Variants in ANKRD13C observed in about 807,000 individuals in gnomAD.
ANKRD13C encodes ankyrin repeat domain-containing protein 13C.
In ANKRD13C, 16 loss-of-function variants were observed where a neutral mutation model predicts 65.5. That is an observed-to-expected ratio of 0.24 (90% CI 0.17 to 0.37). The LOEUF (loss-of-function observed/expected upper bound fraction) is 0.37, where lower values mean the gene tolerates loss of function less well. Among genes scored for constraint, ANKRD13C ranks in the 10% least tolerant of loss-of-function variants. The pLI is 1.00. For missense variants in ANKRD13C, 503 were observed against 655.9 expected (o/e 0.77, Z 2.55); for synonymous variants, 235 against 238.7 (o/e 0.98, Z 0.14).
At chr1:70,329,030 A>T (rs1032971684) in intron 2 of ANKRD13C, among the ~76,000 whole-genome samples, 23 of 151,942 alleles carry the variant, frequency 1.5e-4, no homozygotes, top group African/African-American at 5.5e-4. Context: ...ATGGCAAATT[A>T]CTATCTGTAG....
rs1362212235 is a variant in ANKRD13C at position 70,336,105 on chromosome 1, AAAAAT to A, written c.431-11_431-7del. 9.5e-6 allele frequency: 7 copies of A among 734,026 alleles called. No individual in the cohort carries two copies. Among genetic ancestry groups the A allele is most frequent in the South Asian group, 3.2e-5 (1 of 31,042 alleles). The allele number at this position is 734,026 out of a possible 1,614,324, so 45.5% of individuals were successfully genotyped here. A position where few individuals can be genotyped will look rare whatever the true frequency, so the allele number is the denominator to read the frequency against. On this transcript the variant is annotated splice_polypyrimidine_tract_variant and splice_region_variant and intron_variant, in intron 1 of 12. Coordinates refer to ENST00000370944, the MANE Select transcript of ANKRD13C (RefSeq NM_030816.5). ...AAGGTGTAAAGGAGTATTTCCTAAAAAAAATAAAATAAAATAAATAAATTAGAAGG... is the reference window on the plus strand; with the variant it reads ...AAGGTGTAAAGGAGTATTTCCTAAAAAAAATAAAATAAATAAATTAGAAGG...
At chr1:70,337,961 T>G (rs1342919933) in intron 1 of ANKRD13C, among the ~76,000 whole-genome samples, 2 of 151,868 alleles carry the variant, frequency 1.3e-5, no homozygotes, top group Non-Finnish European at 2.9e-5. Flanking sequence ...TAGCCAGGGG[T>G]GGTGGCGCAT....
In ANKRD13C at chr1:70,354,460, G is replaced by A. The variant is rs1221601066; in HGVS notation, c.-52C>T. On this transcript the variant is annotated 5_prime_UTR_variant, in exon 1 of 13. Transcript: ENST00000370944. ...ATCGGGAGGCTCACCGCTGGCGACG[G>A]AGCTGGCGCTGCGGCGGCACAAGGC... 9 of 1,557,050 alleles carry A rather than the reference G, an allele frequency of 5.8e-6. No homozygotes were observed. Among genetic ancestry groups the A allele is most frequent in the Middle Eastern group, 2.1e-4 (1 of 4,758 alleles).
chr1:70,264,991 G>T (rs1032972488), intron 12 of ANKRD13C, among the ~76,000 whole-genome samples: 1 of 152,162 alleles, frequency 6.6e-6, no homozygotes, highest in Non-Finnish European at 1.5e-5. Flanking sequence ...GAAGTATCTG[G>T]TTTAATCTCG....
At chr1:70,269,351 G>C (rs1158619005) in intron 12 of ANKRD13C, among the ~76,000 whole-genome samples, 1 of 152,024 alleles carries the variant, frequency 6.6e-6, no homozygotes, top group Non-Finnish European at 1.5e-5. Context: ...TGTATTGTGG[G>C]GTTTGATTTG....
intron 5 of ANKRD13C, among the ~76,000 whole-genome samples, chr1:70,309,293 C>A (rs921676195): frequency 6.6e-6 from 1 of 151,588 alleles, no homozygotes; most frequent in Non-Finnish European, 1.5e-5. Flanking sequence ...AGGTTGGTCT[C>A]AAACTCCTGA....
At position 70,271,669 on chromosome 1, in the gene ANKRD13C, G is replaced by C. The variant is rs1269561954; in HGVS notation, c.1395-713C>G. Reference sequence around the variant, plus strand: ...GCTGATTTTATCCCTTTTCTGCCCGGATGCCTTTGGATTTATCAACAACTG... The same window carrying C: ...GCTGATTTTATCCCTTTTCTGCCCGCATGCCTTTGGATTTATCAACAACTG... On this transcript the variant is annotated intron_variant, in intron 11 of 12. Transcript: ENST00000370944. Among the ~76,000 whole-genome samples the C allele has an allele frequency of 3.9e-5, 6 of 152,076 alleles. No individual in the cohort carries two copies. In the East Asian group the frequency reaches 1.2e-3, roughly 29 times the overall value.
chr1:70,334,924 A>T (rs1681955386), intron 2 of ANKRD13C, among the ~76,000 whole-genome samples: 1 of 152,054 alleles, frequency 6.6e-6, no homozygotes, highest in Non-Finnish European at 1.5e-5. Flanking sequence ...ATAAATAAAT[A>T]AAATAAAATA....
intron 2 of ANKRD13C, among the ~76,000 whole-genome samples, chr1:70,326,184 T>C (rs1681529894): frequency 1.5e-5 from 2 of 130,234 alleles, no homozygotes; most frequent in African/African-American, 3.0e-5. Flanking sequence ...TGAGCCGAGA[T>C]TGCGCCATTG....
rs372720742 is a variant in ANKRD13C, at chr1:70,354,197, T to C, written c.212A>G (p.Asn71Ser). ...LQLKAAPASS[N>S]PPGAPALPLH... ...CGGCAGAGCCGGGGCGCCGGGGGGA[T>C]TGGAGGAGGCCGGAGCTGCCTTCAG... Residue 71 changes from asparagine to serine, a missense_variant, in exon 1 of 13, where the codon AAT becomes AGT. Coordinates refer to ENST00000370944, the MANE Select transcript of ANKRD13C (RefSeq NM_030816.5). 1.1e-4 allele frequency: 176 copies of C among 1,613,556 alleles called. No individual in the cohort carries two copies. The highest frequency in any genetic ancestry group is 1.4e-4 in the Non-Finnish European group (160 of 1,179,992).
intron 4 of ANKRD13C, 35 bp from the exon 5 acceptor site, chr1:70,313,825 C>T (rs1310261043): frequency 1.3e-6 from 2 of 1,527,810 alleles, no homozygotes; most frequent in South Asian, 1.1e-5. Flanking sequence ...ACTAAATGCA[C>T]CTTAGTTAAA....
chr1:70,344,804 T>C (rs1254160881), intron 1 of ANKRD13C, among the ~76,000 whole-genome samples: 3 of 152,004 alleles, frequency 2.0e-5, no homozygotes, highest in Non-Finnish European at 4.4e-5. Flanking sequence ...TATAGATATA[T>C]CTATTGATAT....
intron 2 of ANKRD13C, among the ~76,000 whole-genome samples, chr1:70,334,719 G>T (rs918752898): frequency 2.0e-5 from 3 of 151,956 alleles, no homozygotes; most frequent in African/African-American, 7.3e-5. Flanking sequence ...GAGGTCGGGG[G>T]TTCGAGATCG....
intron 5 of ANKRD13C, among the ~76,000 whole-genome samples, chr1:70,310,371 A>C (rs1040696716): frequency 6.6e-6 from 1 of 152,230 alleles, no homozygotes; most frequent in African/African-American, 2.4e-5. Context: ...GGCTATCTAT[A>C]AGCCAATGGG....
intron 12 of ANKRD13C, among the ~76,000 whole-genome samples, chr1:70,265,454 G>C (rs2101095933): frequency 6.6e-6 from 1 of 152,170 alleles, no homozygotes; most frequent in Non-Finnish European, 1.5e-5. Context: ...AACAGGAAGA[G>C]AGAATCTGTA....
intron 3 of ANKRD13C, among the ~76,000 whole-genome samples, chr1:70,316,778 G>A (rs906195886): frequency 1.3e-5 from 2 of 151,888 alleles, no homozygotes; most frequent in African/African-American, 2.4e-5. Flanking sequence ...ACCAAAATAA[G>A]AAAAAATATT....
chr1:70,277,854 C>G (rs951847781), intron 9 of ANKRD13C, among the ~76,000 whole-genome samples: 15 of 152,038 alleles, frequency 9.9e-5, no homozygotes, highest in African/African-American at 3.6e-4. Context: ...ATAAGATGAA[C>G]TGGCAATAAG....
chr1:70,314,456 C>T (rs181072812), intron 4 of ANKRD13C, among the ~76,000 whole-genome samples: 267 of 151,704 alleles, frequency 1.8e-3, no homozygotes, highest in African/African-American at 6.2e-3. Context: ...AACTCCTGAC[C>T]TCAGGTGATC....
At chr1:70,280,855 A>G (rs181655248) in intron 9 of ANKRD13C, among the ~76,000 whole-genome samples, 14 of 152,302 alleles carry the variant, frequency 9.2e-5, no homozygotes, top group African/African-American at 1.9e-4. Context: ...TTAGGAAGCT[A>G]TCTCAGTAAT....
Sources: gnomAD v4.1 joint callset for allele counts (sites outside exome capture counted in the v4.1 genomes callset) on GRCh38, gnomAD v4.1.1 for gene constraint, MANE v1.5 for transcripts, NCBI Gene and HGNC (gene_info 2026-07-23, HGNC 2026-07-21) for gene names.